The following SEMA3C variants were observed in gnomAD, a reference collection of about 807,000 sequenced individuals.
SEMA3C encodes semaphorin 3C.
Under a neutral mutation model 89.4 loss-of-function variants are expected in SEMA3C, and 47 were observed. The ratio of observed to expected loss-of-function variants is 0.53; its 90% CI spans 0.42 to 0.67. The LOEUF (loss-of-function observed/expected upper bound fraction) is 0.67. SEMA3C is among the 30% of genes least tolerant of loss of function. The probability of loss-of-function intolerance (pLI) is 0.00; values close to 1 mark genes in which losing one functional copy is unlikely to be tolerated. For synonymous variants in SEMA3C, 310 were observed against 320.2 expected, an observed-to-expected ratio of 0.97 and a Z score of 0.34; for missense variants, 839 against 929.1, an observed-to-expected ratio of 0.90 and a Z score of 1.26.
At chr7:80,750,892 T>G (rs1210616831) in intron 16 of SEMA3C, among the ~76,000 whole-genome samples, 1 of 152,084 alleles carries the variant, frequency 6.6e-6, no homozygotes, top group Non-Finnish European at 1.5e-5. Flanking sequence ...AATAGTAAAT[T>G]TTATGTTATG....
chr7:80,788,410 T>C (rs1372238045), intron 12 of SEMA3C, among the ~76,000 whole-genome samples: 1 of 152,214 alleles, frequency 6.6e-6, no homozygotes, highest in Non-Finnish European at 1.5e-5. Context: ...TAGTGGTTCC[T>C]AACTTTAGCG....
intron 17 of SEMA3C, among the ~76,000 whole-genome samples, chr7:80,747,739 G>C (rs1304026667): frequency 6.6e-6 from 1 of 152,120 alleles, no homozygotes; most frequent in Admixed American, 6.6e-5. Flanking sequence ...CTTTCTAAAA[G>C]TATTGTTAGC....
At chr7:80,793,131 C>T (rs1788982199) in intron 11 of SEMA3C, among the ~76,000 whole-genome samples, 1 of 151,972 alleles carries the variant, frequency 6.6e-6, no homozygotes, top group African/African-American at 2.4e-5. Context: ...TCAGTTCTTC[C>T]AGCTATTTGT....
intron 16 of SEMA3C, among the ~76,000 whole-genome samples, chr7:80,749,275 T>C (rs1364531802): frequency 6.6e-6 from 1 of 152,178 alleles, no homozygotes; most frequent in African/African-American, 2.4e-5. Context: ...ATCATGTTTA[T>C]TCAAGAATTA....
Position 80,789,425 on chromosome 7 carries a change from T to G in SEMA3C, c.1235A>C (p.Tyr412Ser). ...AATCAAAGGCCTTTTGTGGATTGGG[T>G]AGATGGAATTGTACATGAGAGGATG... is the stretch of plus-strand genomic sequence containing the variant. ...RNHPLMYNSIYPIHKRPLIVR... is the reference protein window; with the variant it reads ...RNHPLMYNSISPIHKRPLIVR... Residue 412 changes from tyrosine (Y) to serine (S), a missense_variant, in exon 12 of 18, where the codon TAC (tyrosine) becomes TCC (serine). Physicochemically the swap from Tyr to Ser is moderately radical, Grantham distance 144. Transcript: ENST00000265361. The G allele has an allele frequency of 6.2e-7, 1 of 1,614,102 alleles. No individual in the cohort carries two copies. The highest frequency in any genetic ancestry group is 8.5e-7 in the Non-Finnish European group (1 of 1,179,982).
chr7:80,818,337 G>A lies in SEMA3C; in HGVS notation c.409C>T (p.Pro137Ser). The change falls in exon 5 of 18, where the codon CCT becomes TCT. Residue 137 changes from proline (P) to serine (S), a missense_variant. Physicochemically the swap from Pro to Ser is moderately conservative, Grantham distance 74 (BLOSUM62 -1). Transcript: ENST00000265361. The stretch of plus-strand genomic sequence containing the variant: ...CCTCTGTTCAAGTAAGTACAGACAG[G>A]ACTGAAAGCGCCACTCCCACAGACA... ...LYVCGSGAFS[P>S]VCTYLNRGRR... 1.9e-6 allele frequency: 3 copies of A among 1,613,418 alleles called. No homozygotes were observed. The highest frequency in any genetic ancestry group is 2.5e-6 in the Non-Finnish European group (3 of 1,179,498).
intron 12 of SEMA3C, among the ~76,000 whole-genome samples, chr7:80,778,386 C>CG (rs2117087349): frequency 6.6e-6 from 1 of 152,254 alleles, no homozygotes; most frequent in African/African-American, 2.4e-5. Context: ...GATGTAAATT[C>CG]GGGGCTAATC....
At chr7:80,852,677 A>AT (rs751469979) in intron 2 of SEMA3C, among the ~76,000 whole-genome samples, 4,381 of 137,956 alleles carry the variant, frequency 0.032, 97 homozygotes, top group African/African-American at 0.044. Context: ...CTGAATAGAC[A>AT]TTTTTTTTTT....
intron 12 of SEMA3C, among the ~76,000 whole-genome samples, chr7:80,778,068 A>T (rs1788592106): frequency 6.6e-6 from 1 of 152,116 alleles, no homozygotes; most frequent in South Asian, 2.1e-4. Flanking sequence ...GTGAGGGTTA[A>T]AAAAACCCCC....
At chr7:80,754,171 A>C (rs1163433356) in intron 15 of SEMA3C, among the ~76,000 whole-genome samples, 1 of 152,180 alleles carries the variant, frequency 6.6e-6, no homozygotes, top group Non-Finnish European at 1.5e-5. Context: ...TCCTGACCTC[A>C]GGCAATCCGC....
intron 5 of SEMA3C, among the ~76,000 whole-genome samples, chr7:80,817,048 G>A (rs1789624859): frequency 6.6e-6 from 1 of 152,192 alleles, no homozygotes; most frequent in African/African-American, 2.4e-5. Flanking sequence ...ATTGATCACA[G>A]GCATGTGGTT....
In SEMA3C at chr7:80,802,705, T is replaced by G; in HGVS notation, c.876A>C (p.Val292=). 6 of 1,613,580 alleles carry G rather than the reference T, an allele frequency of 3.7e-6. No homozygotes were observed. The highest frequency in any genetic ancestry group is 5.1e-6 in the Non-Finnish European group (6 of 1,179,560). The change falls in exon 9 of 18, where the codon GTA becomes GTC. Residue 292 remains valine, a synonymous_variant. Transcript: ENST00000265361. ...GTGTTTCTGGGCCGTCTTCATCTGT[T>G]ACCGAGCACACCAGCCTCGCCTTTA... is the stretch of plus-strand genomic sequence containing the variant. ...TFLKARLVCS[V]TDEDGPETHF... is the part of the protein sequence containing the mutation.
chr7:80,774,704 T>C (rs1788507306), intron 12 of SEMA3C, among the ~76,000 whole-genome samples: 1 of 152,028 alleles, frequency 6.6e-6, no homozygotes, highest in African/African-American at 2.4e-5. Flanking sequence ...TTGAAGAAGG[T>C]GAACAGACCC....
intron 2 of SEMA3C, among the ~76,000 whole-genome samples, chr7:80,883,092 T>G: frequency 6.6e-6 from 1 of 152,188 alleles, no homozygotes; most frequent in Non-Finnish European, 1.5e-5. Flanking sequence ...TCTTTCATGT[T>G]TTACTGTTAT....
rs572272138 is a variant in SEMA3C, at chr7:80,743,327, T to G, written c.*1567A>C. ...TCATAGTTTAAATAGTGAATCATAT[T>G]CTGATATTCTGATTAATAATCATAT... is the stretch of plus-strand genomic sequence containing the variant. On this transcript the variant is annotated 3_prime_UTR_variant, in exon 18 of 18. Coordinates refer to ENST00000265361, the MANE Select transcript of SEMA3C (RefSeq NM_006379.5). The G allele has an allele frequency of 2.8e-4, 43 of 151,894 alleles. No individual in the cohort carries two copies. Among genetic ancestry groups the G allele is most frequent in the Admixed American group, 2.6e-4 (4 of 15,246 alleles). The allele number at this position is 151,894 out of a possible 1,614,324, so 9.4% of individuals were successfully genotyped here. A position where few individuals can be genotyped will look rare whatever the true frequency, so the allele number is the denominator to read the frequency against.
intron 13 of SEMA3C, among the ~76,000 whole-genome samples, chr7:80,764,125 T>C (rs1788245452): frequency 6.6e-6 from 1 of 152,220 alleles, no homozygotes; most frequent in Non-Finnish European, 1.5e-5. Flanking sequence ...TCAGTATTTT[T>C]GGTGACCGTG....
At chr7:80,796,620 T>G (rs1294801432) in intron 11 of SEMA3C, 5 of 152,216 alleles carry the variant, frequency 3.3e-5, no homozygotes, top group African/African-American at 1.2e-4. Context: ...CCATCTTCTT[T>G]AGAGCTGCGA....
Position 80,804,183 on chromosome 7 carries a change from AGTAC to A in SEMA3C, c.720_723del (p.Tyr241SerfsTer7), listed in dbSNP as rs749557108. On this transcript the variant is annotated frameshift_variant, in exon 8 of 18. Coordinates refer to ENST00000265361, the MANE Select transcript of SEMA3C (RefSeq NM_006379.5). LOFTEE classifies it high-confidence loss of function. ...TCAGTCAGTTTTTCTTTGAAGAAGA[AGTAC>A]ACCTTAGCATCATTTGGATCAGTAC... 3 of 1,612,946 alleles carry A rather than the reference AGTAC, an allele frequency of 1.9e-6. No individual in the cohort carries two copies.
At chr7:80,747,323 A>G (rs1450706671) in intron 17 of SEMA3C, among the ~76,000 whole-genome samples, 1 of 152,184 alleles carries the variant, frequency 6.6e-6, no homozygotes, top group Non-Finnish European at 1.5e-5. Context: ...CTATTAATTT[A>G]TATGGCAGAT....
Sources: gnomAD v4.1 joint callset for allele counts (sites outside exome capture counted in the v4.1 genomes callset) on GRCh38, gnomAD v4.1.1 for gene constraint, MANE v1.5 for transcripts, NCBI Gene and HGNC (gene_info 2026-07-23, HGNC 2026-07-21) for gene names.